USP20: variants seen among roughly 807,000 people sequenced by gnomAD.
USP20 encodes the protein ubiquitin specific peptidase 20.
A neutral mutation model predicts 124.2 loss-of-function variants in USP20; 80 were observed. That is an observed-to-expected ratio of 0.64 (90% CI 0.54 to 0.78). The LOEUF is 0.78. Ranked by LOEUF, USP20 falls within the 30% of genes least tolerant of loss-of-function variation. USP20 has a pLI of 0.00. For synonymous variants in USP20, 481 were observed against 512.3 expected, an observed-to-expected ratio of 0.94 and a Z score of 0.83; for missense variants, 1,043 against 1,244.4, an observed-to-expected ratio of 0.84 and a Z score of 2.44.
rs757271416 is a variant in USP20 at position 129,863,166 on chromosome 9, T to G, written c.498-20T>G. 9.3e-6 allele frequency: 14 copies of G among 1,506,078 alleles called. No homozygotes were observed. Among genetic ancestry groups the G allele is most frequent in the Middle Eastern group, 2.1e-4 (1 of 4,848 alleles). The allele number at this position is 1,506,078 out of a possible 1,614,324, so 93.3% of individuals were successfully genotyped here. A position where few individuals can be genotyped will look rare whatever the true frequency, so the allele number is the denominator to read the frequency against. Reference sequence around the variant, plus strand: ...GCCTCATTTGCTCTCCTGACCTGGCTCTCTCTCCCCTGCACCCAGCCCGCC... The same window carrying G: ...GCCTCATTTGCTCTCCTGACCTGGCGCTCTCTCCCCTGCACCCAGCCCGCC... On this transcript the variant is annotated intron_variant, in intron 8 of 25. Coordinates refer to ENST00000372429, the MANE Select transcript of USP20 (RefSeq NM_001110303.4).
chr9:129,851,876 C>T (rs115880892), intron 2 of USP20, among the ~76,000 whole-genome samples: 230 of 152,102 alleles, frequency 1.5e-3, no homozygotes, highest in Non-Finnish European at 2.8e-3. Flanking sequence ...CAAACACAGA[C>T]TGCTTTCTAG....
chr9:129,872,890 T>A (rs1013552594), intron 15 of USP20, among the ~76,000 whole-genome samples: 1 of 151,946 alleles, frequency 6.6e-6, no homozygotes, highest in African/African-American at 2.4e-5. Flanking sequence ...AATGTTGCAC[T>A]TCCCACCCCA....
chr9:129,837,005 C>T (rs182931498), intron 1 of USP20, among the ~76,000 whole-genome samples: 37 of 152,254 alleles, frequency 2.4e-4, no homozygotes, highest in Admixed American at 3.3e-4. Flanking sequence ...ATTTCTGGAC[C>T]CTCCTCCTCA....
intron 2 of USP20, among the ~76,000 whole-genome samples, chr9:129,851,873 AG>A (rs1228002845): frequency 6.6e-6 from 1 of 151,894 alleles, no homozygotes; most frequent in Non-Finnish European, 1.5e-5. Flanking sequence ...TGGCAAACAC[AG>A]ACTGCTTTCT....
At chr9:129,872,476 GTGTCCAGATACGTGACTTATAACCC>G (rs1248976856) in intron 15 of USP20, among the ~76,000 whole-genome samples, 3 of 152,102 alleles carry the variant, frequency 2.0e-5, no homozygotes, top group Non-Finnish European at 4.4e-5. Flanking sequence ...AGTTCTTTAT[GTGTCCAGATACGTGACTTATAACCC>G]TGTCCTCCCA....
chr9:129,850,567 G>T (rs2032856768), intron 2 of USP20, among the ~76,000 whole-genome samples: 1 of 152,158 alleles, frequency 6.6e-6, no homozygotes, highest in African/African-American at 2.4e-5. Flanking sequence ...TTTGGGACAG[G>T]GAGGGGCACG....
At chr9:129,844,042 TG>T (rs1356463949) in intron 1 of USP20, among the ~76,000 whole-genome samples, 1 of 152,192 alleles carries the variant, frequency 6.6e-6, no homozygotes, top group African/African-American at 2.4e-5. Context: ...CACTCCAGCC[TG>T]GGTGACAGAT....
rs773835182 is a variant in USP20, at chr9:129,879,636, T to C, written c.2576T>C (p.Leu859Pro). ...GTCAAAGGAAGCGGCCATGTCCAGC[T>C]GAAGCAGGGTGAGTTCCCCCTGGGG... ...AQVKGSGHVQ[L>P]KQGADYGQIS... Residue 859 changes from leucine (L) to proline (P), a missense_variant, in exon 24 of 26, where the codon CTG becomes CCG. By Grantham distance (98) the Leu-to-Pro change is moderately conservative. Coordinates refer to ENST00000372429, the MANE Select transcript of USP20 (RefSeq NM_001110303.4). The surrounding 1 kb of genome is among the most constrained non-coding windows in gnomAD (Gnocchi z 4.2). 4 of 1,613,930 alleles carry C rather than the reference T, an allele frequency of 2.5e-6. No homozygotes were observed. Among genetic ancestry groups the C allele is most frequent in the Non-Finnish European group, 3.4e-6 (4 of 1,179,982 alleles).
chr9:129,870,312 C>T (rs932314553), intron 14 of USP20, 141 bp from the exon 15 acceptor site: 6 of 828,588 alleles, frequency 7.2e-6, no homozygotes, highest in East Asian at 2.6e-5. Flanking sequence ...GCCTCTGCCC[C>T]GACCCGCCGT....
rs1267089045 is a variant in USP20, at chr9:129,881,121, C to G, written c.*671C>G. 6.6e-6 allele frequency: 1 copy of G among 152,260 alleles called. No individual in the cohort carries two copies. Among genetic ancestry groups the G allele is most frequent in the Non-Finnish European group, 1.5e-5 (1 of 68,082 alleles). 9.4% of individuals were successfully genotyped at this position (152,260 alleles called of 1,614,324 possible). On this transcript the variant is annotated 3_prime_UTR_variant, in exon 26 of 26. Transcript: ENST00000372429. Reference sequence around the variant, plus strand: ...CACACCGCGTCCTGCTGAGCCTGCCCCCTGGATTGGCTGTAATTTGCCTCG... The same window carrying G: ...CACACCGCGTCCTGCTGAGCCTGCCGCCTGGATTGGCTGTAATTTGCCTCG...
At position 129,861,613 on chromosome 9, in the gene USP20, G is replaced by T; in HGVS notation, c.497+1G>T. 1 of 1,614,052 alleles carries T rather than the reference G, an allele frequency of 6.2e-7. No individual in the cohort carries two copies. The highest frequency in any genetic ancestry group is 1.1e-5 in the South Asian group (1 of 91,086). On this transcript the variant is annotated splice_donor_variant, in intron 8 of 25. Coordinates refer to ENST00000372429, the MANE Select transcript of USP20 (RefSeq NM_001110303.4). LOFTEE classifies it high-confidence loss of function. ...CTGCCCTGCAGGCCCTGTCCAATTG[G>T]TAGGTCGACACTTTGTCCGAGGGCC...
Position 129,868,217 on chromosome 9 carries a change from C to G in USP20, c.903C>G (p.Gly301=). The G allele has an allele frequency of 6.2e-7, 1 of 1,613,760 alleles. No homozygotes were observed. The highest frequency in any genetic ancestry group is 8.5e-7 in the Non-Finnish European group (1 of 1,179,864). Residue 301 remains glycine (G), a synonymous_variant, in exon 11 of 26, where the codon GGC becomes GGG. Transcript: ENST00000372429. ...GTGAGGGTGACGGGCAGGGGCGTGGCGGGGGCAGCTCGCAGGCCGAGACGG... is the reference window on the plus strand; with the variant it reads ...GTGAGGGTGACGGGCAGGGGCGTGGGGGGGGCAGCTCGCAGGCCGAGACGG... The part of the protein sequence containing the change: ...DRGEGDGQGR[G]GGSSQAETEL...
rs1588296437 is a variant in USP20 at position 129,880,480 on chromosome 9, A to C, written c.*30A>C. Reference sequence around the variant, plus strand: ...GTGTCCCCACAGCCCCATGTGCCCCACCCCGCGGAAGGCGTGTTTGTGCCC... The same window carrying C: ...GTGTCCCCACAGCCCCATGTGCCCCCCCCCGCGGAAGGCGTGTTTGTGCCC... On this transcript the variant is annotated 3_prime_UTR_variant, in exon 26 of 26. Transcript: ENST00000372429. 1.5e-6 allele frequency: 1 copy of C among 659,476 alleles called. No individual in the cohort carries two copies. Among genetic ancestry groups the C allele is most frequent in the East Asian group, 2.8e-5 (1 of 35,356 alleles). 40.9% of individuals were successfully genotyped at this position (659,476 alleles called of 1,614,324 possible). A position where few individuals can be genotyped will look rare whatever the true frequency, so the allele number is the denominator to read the frequency against.
At chr9:129,861,934 C>T (rs2033570363) in intron 8 of USP20, among the ~76,000 whole-genome samples, 1 of 152,136 alleles carries the variant, frequency 6.6e-6, no homozygotes, top group Non-Finnish European at 1.5e-5. Context: ...TGGCACAAGA[C>T]AACATGCATT....
At position 129,881,469 on chromosome 9, in the gene USP20, C is replaced by G. The variant is rs545714558; in HGVS notation, c.*1019C>G. Reference sequence around the variant, plus strand: ...GGCGAGGTGCGACCATCATCAGGATCAAAGCAGACGGGGCGTGGGTGGGGA... The same window carrying G: ...GGCGAGGTGCGACCATCATCAGGATGAAAGCAGACGGGGCGTGGGTGGGGA... On this transcript the variant is annotated 3_prime_UTR_variant, in exon 26 of 26. Transcript: ENST00000372429. The G allele has an allele frequency of 6.6e-6, 1 of 152,328 alleles. No homozygotes were observed. Among genetic ancestry groups the G allele is most frequent in the South Asian group, 2.1e-4 (1 of 4,834 alleles). 9.4% of individuals were successfully genotyped at this position (152,328 alleles called of 1,614,324 possible).
rs752908353 is a variant in USP20, at chr9:129,873,726, A to G, written c.1722A>G (p.Lys574=). 1 of 1,612,974 alleles carries G rather than the reference A, an allele frequency of 6.2e-7. No homozygotes were observed. The highest frequency in any genetic ancestry group is 1.7e-5 in the Admixed American group (1 of 60,020). The change falls in exon 17 of 26, where the codon AAA becomes AAG. Residue 574 remains lysine, a synonymous_variant. Coordinates refer to ENST00000372429, the MANE Select transcript of USP20 (RefSeq NM_001110303.4). ...TGCGGAACGGAGTGAAGTACTGCAA[A>G]GTCCTGCGGTTGCCCGAGGTGAGCC... ...KKLRNGVKYC[K]VLRLPEILCI...
intron 1 of USP20, among the ~76,000 whole-genome samples, chr9:129,845,534 G>T (rs1200351059): frequency 6.6e-6 from 1 of 152,022 alleles, no homozygotes; most frequent in African/African-American, 2.4e-5. Flanking sequence ...GTTGTTTTTT[G>T]ATTTTGGTTT....
intron 1 of USP20, among the ~76,000 whole-genome samples, chr9:129,846,245 ATATTTTTTTTTTTTT>A (rs1224997761): frequency 2.3e-5 from 1 of 43,378 alleles, no homozygotes; most frequent in East Asian, 9.3e-4. Flanking sequence ...ATATATATAT[ATATTTTTTTTTTTTT>A]TTTTTTTTTT....
At chr9:129,859,824 C>T (rs7874974) in intron 6 of USP20, among the ~76,000 whole-genome samples, 77,795 of 151,938 alleles carry the variant, frequency 0.51, 20,267 homozygotes, top group East Asian at 0.78. Flanking sequence ...CGCTTGAGCC[C>T]AGGAGTTTGA....
Sources: allele counts gnomAD v4.1 joint callset (sites outside exome capture counted in the v4.1 genomes callset), GRCh38; gene constraint gnomAD v4.1.1; non-coding constraint Gnocchi (gnomAD v3.1); transcripts MANE v1.5; gene names NCBI Gene and HGNC (gene_info 2026-07-23, HGNC 2026-07-21).